Variants in FA2H observed in about 807,000 individuals in gnomAD.
FA2H encodes the protein fatty acid alpha-hydroxylase.
A neutral mutation model predicts 44.9 loss-of-function variants in FA2H; 22 were observed. The observed-to-expected ratio is 0.49, with a 90% CI of 0.35 to 0.70. The LOEUF (loss-of-function observed/expected upper bound fraction) is 0.70. Among genes scored for constraint, FA2H ranks in the 30% least tolerant of loss-of-function variants. FA2H has a pLI of 0.01. For missense variants in FA2H, 501 were observed against 504.9 expected, an observed-to-expected ratio of 0.99 and a Z score of 0.07; for synonymous variants, 243 against 213.2, an observed-to-expected ratio of 1.14 and a Z score of -1.22.
chr16:74,737,914 G>A (rs1962213777), intron 2 of FA2H, among the ~76,000 whole-genome samples: 2 of 152,362 alleles, frequency 1.3e-5, no homozygotes, highest in Admixed American at 6.5e-5. Context: ...GGCTCCCCCA[G>A]CCTCTCTGTT....
chr16:74,713,824 T>C lies in FA2H; in HGVS notation c.*366A>G, dbSNP rs540276453. The C allele has an allele frequency of 3.9e-6, 1 of 254,280 alleles. No individual in the cohort carries two copies. The highest frequency in any genetic ancestry group is 8.3e-5 in the East Asian group (1 of 12,038). The allele number at this position is 254,280 out of a possible 1,614,324, so 15.8% of individuals were successfully genotyped here. On this transcript the variant is annotated 3_prime_UTR_variant, in exon 7 of 7. Coordinates refer to ENST00000219368, the MANE Select transcript of FA2H (RefSeq NM_024306.5). ...GTGCAGGCAGCTCCTAGGCAGCCCATGAGGCTAAGGCACAAGGGTGACACA... is the reference window on the plus strand; with the variant it reads ...GTGCAGGCAGCTCCTAGGCAGCCCACGAGGCTAAGGCACAAGGGTGACACA...
chr16:74,738,992 C>T (rs1363124679), intron 2 of FA2H, among the ~76,000 whole-genome samples: 1 of 152,226 alleles, frequency 6.6e-6, no homozygotes, highest in Admixed American at 6.5e-5. Context: ...CTCCCAGAGG[C>T]GGCTGTGATC....
At chr16:74,741,870 ATGTGTGTGTGTG>A (rs538897022) in intron 1 of FA2H, among the ~76,000 whole-genome samples, 1 of 84,268 alleles carries the variant, frequency 1.2e-5, no homozygotes, top group Non-Finnish European at 2.5e-5. Context: ...GTGTGTGTGT[ATGTGTGTGTGTG>A]TGTATCATGC....
chr16:74,752,223 C>T (rs1962539138), intron 1 of FA2H, among the ~76,000 whole-genome samples: 1 of 152,156 alleles, frequency 6.6e-6, no homozygotes, highest in South Asian at 2.1e-4. Flanking sequence ...CTCTTGACTC[C>T]CCCCAAGCCC....
chr16:74,769,283 G>GAAAAC (rs1962862300), intron 1 of FA2H, among the ~76,000 whole-genome samples: 2 of 152,006 alleles, frequency 1.3e-5, no homozygotes, highest in African/African-American at 4.8e-5. Flanking sequence ...TTCTTGTAGA[G>GAAAAC]ATAGTTTTTC....
intron 6 of FA2H, among the ~76,000 whole-genome samples, chr16:74,715,359 A>C (rs1312614955): frequency 6.6e-6 from 1 of 151,494 alleles, no homozygotes; most frequent in South Asian, 2.1e-4. Context: ...TGGCATGATC[A>C]TAGCTCATTG....
rs895317904 is a variant in FA2H at position 74,774,467 on chromosome 16, G to C, written c.270+19C>G. The C allele has an allele frequency of 1.3e-6, 2 of 1,498,156 alleles. No individual in the cohort carries two copies. The highest frequency in any genetic ancestry group is 2.1e-5 in the Admixed American group (1 of 48,398). The allele number at this position is 1,498,156 out of a possible 1,614,324, so 92.8% of individuals were successfully genotyped here. A position where few individuals can be genotyped will look rare whatever the true frequency, so the allele number is the denominator to read the frequency against. On this transcript the variant is annotated intron_variant, in intron 1 of 6. Transcript: ENST00000219368. ...GACGGAGGCCTGGGTTGGGGTGGGG[G>C]GCCCCGGCCCGGCTGTACCTGCTGC...
intron 4 of FA2H, among the ~76,000 whole-genome samples, chr16:74,722,551 A>G (rs1476615505): frequency 6.6e-6 from 1 of 152,018 alleles, no homozygotes; most frequent in Non-Finnish European, 1.5e-5. Flanking sequence ...GAAAAAAAGA[A>G]AAGAAAACGT....
intron 4 of FA2H, among the ~76,000 whole-genome samples, chr16:74,723,440 G>C (rs554556513): frequency 6.6e-6 from 1 of 152,098 alleles, no homozygotes; most frequent in South Asian, 2.1e-4. Flanking sequence ...CACCCTGGGT[G>C]GCCACGCCCT....
intron 2 of FA2H, among the ~76,000 whole-genome samples, chr16:74,736,906 G>A (rs749563957): frequency 6.6e-5 from 10 of 152,122 alleles, no homozygotes; most frequent in Non-Finnish European, 1.2e-4. Context: ...GACTTTGGGC[G>A]GGAGATTTAA....
chr16:74,731,933 C>T (rs1962078554), intron 2 of FA2H, among the ~76,000 whole-genome samples: 1 of 152,184 alleles, frequency 6.6e-6, no homozygotes, highest in African/African-American at 2.4e-5. Context: ...AGTGCGGTGG[C>T]ATGGCTGTGG....
intron 1 of FA2H, among the ~76,000 whole-genome samples, chr16:74,756,436 C>G (rs1162742809): frequency 6.6e-6 from 1 of 152,132 alleles, no homozygotes; most frequent in Non-Finnish European, 1.5e-5. Flanking sequence ...GGCTTCTTAT[C>G]TGCTCCAGCC....
At chr16:74,737,073 G>C (rs1479783744) in intron 2 of FA2H, among the ~76,000 whole-genome samples, 2 of 152,182 alleles carry the variant, frequency 1.3e-5, no homozygotes, top group African/African-American at 4.8e-5. Flanking sequence ...CCGCTGCTGA[G>C]CATCTGGGCA....
chr16:74,753,395 C>A (rs541381435), intron 1 of FA2H, among the ~76,000 whole-genome samples: 2 of 152,284 alleles, frequency 1.3e-5, no homozygotes, highest in East Asian at 3.9e-4. Flanking sequence ...TCTTTAATAA[C>A]CCCACGAACA....
At chr16:74,736,837 G>T (rs536287093) in intron 2 of FA2H, among the ~76,000 whole-genome samples, 6 of 152,276 alleles carry the variant, frequency 3.9e-5, no homozygotes, top group South Asian at 2.1e-4. Flanking sequence ...GGGTGGGAAG[G>T]TTCCAGGACC....
intron 1 of FA2H, among the ~76,000 whole-genome samples, chr16:74,751,815 A>G (rs534767995): frequency 7.9e-4 from 120 of 152,262 alleles, no homozygotes; most frequent in Non-Finnish European, 1.5e-3. Flanking sequence ...GAAATGTTCT[A>G]TATGTGTGCT....
intron 1 of FA2H, among the ~76,000 whole-genome samples, chr16:74,747,456 T>C (rs1381751643): frequency 6.6e-6 from 1 of 151,990 alleles, no homozygotes; most frequent in Non-Finnish European, 1.5e-5. Context: ...GTAGAGGTTG[T>C]GGGTTGAGCT....
At chr16:74,770,043 A>G (rs1962878930) in intron 1 of FA2H, among the ~76,000 whole-genome samples, 1 of 152,212 alleles carries the variant, frequency 6.6e-6, no homozygotes, top group African/African-American at 2.4e-5. Flanking sequence ...CCCTGGGGGA[A>G]GGGCCAGGAT....
At chr16:74,721,887 G>A (rs34992867) in intron 4 of FA2H, among the ~76,000 whole-genome samples, 11,006 of 152,292 alleles carry the variant, frequency 0.072, 524 homozygotes, top group Non-Finnish European at 0.11. Context: ...GCACGCGGGC[G>A]CTGGATGATC....
Sources: gnomAD v4.1 joint callset for allele counts (sites outside exome capture counted in the v4.1 genomes callset) on GRCh38, gnomAD v4.1.1 for gene constraint, MANE v1.5 for transcripts, NCBI Gene and HGNC (gene_info 2026-07-23, HGNC 2026-07-21) for gene names.